Variants in CLSTN2 observed in about 807,000 individuals in gnomAD.
CLSTN2 encodes calsyntenin-2.
Under a neutral mutation model 101.2 loss-of-function variants are expected in CLSTN2, and 48 were observed. The ratio of observed to expected loss-of-function variants is 0.47; its 90% CI spans 0.38 to 0.60. CLSTN2 has a LOEUF of 0.60. CLSTN2 is among the 20% of genes least tolerant of loss of function. The pLI is 0.00. For synonymous variants in CLSTN2, 481 were observed against 463.6 expected (o/e 1.04, Z -0.48); for missense variants, 1,160 against 1,238.2 (o/e 0.94, Z 0.95).
intron 1 of CLSTN2, among the ~76,000 whole-genome samples, chr3:139,999,661 A>G (rs768590731): frequency 2.0e-4 from 31 of 152,182 alleles, no homozygotes; most frequent in African/African-American, 7.5e-4. Flanking sequence ...AAGCTCTGAT[A>G]TTTGAACTTG....
At position 140,568,439 on chromosome 3, in the gene CLSTN2, G is replaced by A. The variant is rs1985380522; in HGVS notation, c.*2186G>A. On this transcript the variant is annotated 3_prime_UTR_variant, in exon 17 of 17. Transcript: ENST00000458420. ...AGCTGGGGTTTTATATTCATTGGAT[G>A]GAAACAGATATTTCTCCTGGGAATT... is the stretch of plus-strand genomic sequence containing the variant. 6.6e-6 allele frequency: 1 copy of A among 152,110 alleles called. No individual in the cohort carries two copies. Among genetic ancestry groups the A allele is most frequent in the Non-Finnish European group, 1.5e-5 (1 of 68,032 alleles). The allele number at this position is 152,110 out of a possible 1,614,324, so 9.4% of individuals were successfully genotyped here. A position where few individuals can be genotyped will look rare whatever the true frequency, so the allele number is the denominator to read the frequency against.
At chr3:140,510,937 G>A (rs974512257) in intron 8 of CLSTN2, among the ~76,000 whole-genome samples, 2 of 152,144 alleles carry the variant, frequency 1.3e-5, no homozygotes, top group African/African-American at 2.4e-5. Context: ...GTGGTTTGCT[G>A]CACAGATCAT....
Position 140,576,011 on chromosome 3 carries a change from A to G in CLSTN2, c.*9758A>G, listed in dbSNP as rs1011144449. On this transcript the variant is annotated 3_prime_UTR_variant, in exon 17 of 17. Coordinates refer to ENST00000458420, the MANE Select transcript of CLSTN2 (RefSeq NM_022131.3). ...GTGGGAATAGTGCTTGGCACATAGT[A>G]GGAGTTTGGTAAACATTTGGAAATT... The G allele has an allele frequency of 1.5e-4, 23 of 152,212 alleles. No homozygotes were observed. Among genetic ancestry groups the G allele is most frequent in the African/African-American group, 5.3e-4 (22 of 41,444 alleles). The allele number at this position is 152,212 out of a possible 1,614,324, so 9.4% of individuals were successfully genotyped here. A position where few individuals can be genotyped will look rare whatever the true frequency, so the allele number is the denominator to read the frequency against.
chr3:140,016,955 A>G (rs1248430354), intron 1 of CLSTN2, among the ~76,000 whole-genome samples: 3 of 152,198 alleles, frequency 2.0e-5, no homozygotes, highest in African/African-American at 7.2e-5. Flanking sequence ...AAAGTTACAC[A>G]CTGATTTTTA....
intron 6 of CLSTN2, among the ~76,000 whole-genome samples, chr3:140,452,266 G>GTTCTGT (rs1328881156): frequency 6.6e-6 from 1 of 151,990 alleles, no homozygotes; most frequent in Non-Finnish European, 1.5e-5. Flanking sequence ...TCGCCCTGAT[G>GTTCTGT]TTCTGCTTCT....
At chr3:139,965,010 C>T (rs1004109134) in intron 1 of CLSTN2, among the ~76,000 whole-genome samples, 1 of 152,130 alleles carries the variant, frequency 6.6e-6, no homozygotes, top group East Asian at 1.9e-4. Context: ...GACAATGCCA[C>T]TACGGTTGAT....
At position 140,271,386 on chromosome 3, in the gene CLSTN2, C is replaced by T. The variant is rs145431472; in HGVS notation, c.232+95313C>T. Among the ~76,000 whole-genome samples the T allele has an allele frequency of 5.3e-5, 8 of 152,198 alleles. No homozygotes were observed. The East Asian group carries it at 9.7e-4, about 18-fold the overall frequency. On this transcript the variant is annotated intron_variant, in intron 2 of 16. Coordinates refer to ENST00000458420, the MANE Select transcript of CLSTN2 (RefSeq NM_022131.3). ...TGTTTAGCTGTTATAACAATGTTAC[C>T]GAACACTGGGATTACCCCAGTGTAT... is the stretch of plus-strand genomic sequence containing the variant.
At chr3:140,036,170 A>G (rs914303981) in intron 1 of CLSTN2, among the ~76,000 whole-genome samples, 2 of 152,170 alleles carry the variant, frequency 1.3e-5, no homozygotes, top group Non-Finnish European at 2.9e-5. Flanking sequence ...CTGGCCTAGG[A>G]TTCAGTACTA....
At chr3:140,457,064 C>T (rs1355530542) in intron 6 of CLSTN2, among the ~76,000 whole-genome samples, 3 of 152,154 alleles carry the variant, frequency 2.0e-5, no homozygotes, top group Admixed American at 1.3e-4. Flanking sequence ...CAGCAATGTC[C>T]TTAGCCAAAA....
At chr3:140,190,724 C>A (rs2010554647) in intron 2 of CLSTN2, among the ~76,000 whole-genome samples, 1 of 152,056 alleles carries the variant, frequency 6.6e-6, no homozygotes, top group South Asian at 2.1e-4. Flanking sequence ...GCTATTACTG[C>A]TGACATATAG....
At chr3:140,303,092 A>G (rs566323755) in intron 2 of CLSTN2, among the ~76,000 whole-genome samples, 33 of 152,332 alleles carry the variant, frequency 2.2e-4, no homozygotes, top group African/African-American at 7.0e-4. Flanking sequence ...TGCTGACAGG[A>G]AAACCTAAGG....
At chr3:140,251,779 A>T (rs2086566672) in intron 2 of CLSTN2, among the ~76,000 whole-genome samples, 1 of 152,096 alleles carries the variant, frequency 6.6e-6, no homozygotes, top group South Asian at 2.1e-4. Context: ...TCTGTCAGTG[A>T]GGGGAACAAA....
chr3:140,145,504 T>C (rs1009208350), intron 1 of CLSTN2, among the ~76,000 whole-genome samples: 6 of 152,258 alleles, frequency 3.9e-5, no homozygotes, highest in Middle Eastern at 3.2e-3. Flanking sequence ...TCAGCAAGGC[T>C]GAATCATTGG....
intron 1 of CLSTN2, among the ~76,000 whole-genome samples, chr3:140,058,712 G>T (rs1376147357): frequency 6.6e-6 from 1 of 151,944 alleles, no homozygotes; most frequent in Non-Finnish European, 1.5e-5. Flanking sequence ...GCAAAATTTT[G>T]TGCTGGACTG....
At chr3:140,407,316 T>C (rs1235410782) in intron 4 of CLSTN2, among the ~76,000 whole-genome samples, 1 of 152,172 alleles carries the variant, frequency 6.6e-6, no homozygotes, top group Non-Finnish European at 1.5e-5. Flanking sequence ...GGATGTCTCC[T>C]GGCCCCTCCA....
At chr3:140,065,743 T>C (rs139265774) in intron 1 of CLSTN2, among the ~76,000 whole-genome samples, 1 of 152,284 alleles carries the variant, frequency 6.6e-6, no homozygotes, top group East Asian at 1.9e-4. Flanking sequence ...AAATGCATCA[T>C]AGGCTTTACT....
chr3:140,204,291 A>G (rs1468341291), intron 2 of CLSTN2, among the ~76,000 whole-genome samples: 1 of 152,204 alleles, frequency 6.6e-6, no homozygotes, highest in Non-Finnish European at 1.5e-5. Flanking sequence ...GGCACTACCC[A>G]GAAGCTAAGA....
intron 1 of CLSTN2, among the ~76,000 whole-genome samples, chr3:140,113,863 T>A (rs1033216713): frequency 6.6e-6 from 1 of 152,182 alleles, no homozygotes; most frequent in African/African-American, 2.4e-5. Context: ...TGTGTATATA[T>A]GTGTATACGT....
intron 1 of CLSTN2, among the ~76,000 whole-genome samples, chr3:139,987,009 C>T (rs1294613755): frequency 6.6e-6 from 1 of 150,418 alleles, no homozygotes; most frequent in Non-Finnish European, 1.5e-5. Flanking sequence ...TCATACATCC[C>T]TATTATGTAG....
Sources: allele counts gnomAD v4.1 joint callset (sites outside exome capture counted in the v4.1 genomes callset), GRCh38; gene constraint gnomAD v4.1.1; transcripts MANE v1.5; gene names NCBI Gene and HGNC (gene_info 2026-07-23, HGNC 2026-07-21).